Variants in KIF6 observed in about 807,000 individuals in gnomAD.
KIF6 encodes the protein kinesin-like protein KIF6.
Under a neutral mutation model 112.7 loss-of-function variants are expected in KIF6, and 106 were observed. That is an observed-to-expected ratio of 0.94 (90% confidence interval 0.80 to 1.11). The LOEUF (loss-of-function observed/expected upper bound fraction) is 1.11, where lower values mean the gene tolerates loss of function less well. KIF6 is among the 50% of genes least tolerant of loss of function. The pLI is 0.00. For synonymous variants in KIF6, 339 were observed against 339.9 expected (o/e 1.00, Z 0.03); for missense variants, 929 against 964.0 (o/e 0.96, Z 0.48).
At chr6:39,517,058 C>T (rs1186415432) in intron 13 of KIF6, among the ~76,000 whole-genome samples, 2 of 152,136 alleles carry the variant, frequency 1.3e-5, no homozygotes, top group Non-Finnish European at 2.9e-5. Flanking sequence ...GCTCTCCAGG[C>T]CTCTAGGAAA....
chr6:39,505,452 A>C (rs763539879), intron 13 of KIF6, among the ~76,000 whole-genome samples: 10 of 152,254 alleles, frequency 6.6e-5, no homozygotes, highest in Non-Finnish European at 1.0e-4. Flanking sequence ...TAAAGATTTC[A>C]TGATGAACAC....
chr6:39,511,340 A>G (rs1308353041), intron 13 of KIF6, among the ~76,000 whole-genome samples: 1 of 152,238 alleles, frequency 6.6e-6, no homozygotes, highest in African/African-American at 2.4e-5. Flanking sequence ...CATATGTAAA[A>G]ATGCTCGTCA....
At position 39,337,195 on chromosome 6, in the gene KIF6, CT is replaced by C. The variant is rs1206669220; in HGVS notation, c.2429-648del. Among the ~76,000 whole-genome samples, 13 of 91,130 alleles carry C rather than the reference CT, an allele frequency of 1.4e-4. 2 individuals are homozygous for C. Among genetic ancestry groups the C allele is most frequent in the African/African-American group, 7.9e-4 (10 of 12,610 alleles). 59.8% of individuals were successfully genotyped at this position (91,130 alleles called of 152,430 possible). ...TCCTTCTTTCTTTCTTTCTTTCTTTCTTTCTTTCTTTCTTTCTTTCTTTCTT... is the reference window on the plus strand; with the variant it reads ...TCCTTCTTTCTTTCTTTCTTTCTTTCTTCTTTCTTTCTTTCTTTCTTTCTT... On this transcript the variant is annotated intron_variant, in intron 22 of 22. Transcript: ENST00000287152.
In KIF6 at chr6:39,357,663, G is replaced by A. The variant is rs112803706; in HGVS notation, c.2083-289C>T. ...GGTGTTTTGCCATGTTGGCCAGGCTGGTCTCGAACTCCTGACCTCAGTTGA... is the reference window on the plus strand; with the variant it reads ...GGTGTTTTGCCATGTTGGCCAGGCTAGTCTCGAACTCCTGACCTCAGTTGA... On this transcript the variant is annotated intron_variant, in intron 18 of 22. Coordinates refer to ENST00000287152, the MANE Select transcript of KIF6 (RefSeq NM_145027.6). 3.6e-3 allele frequency among the ~76,000 whole-genome samples: 544 copies of A among 152,156 alleles called. 4 individuals carry two copies. Among genetic ancestry groups the A allele is most frequent in the African/African-American group, 0.013 (529 of 41,534 alleles).
chr6:39,512,972 G>A (rs112083886), intron 13 of KIF6, among the ~76,000 whole-genome samples: 237 of 152,260 alleles, frequency 1.6e-3, no homozygotes, highest in African/African-American at 5.4e-3. Flanking sequence ...AACCCAAAGA[G>A]GAAAGTACCA....
intron 13 of KIF6, among the ~76,000 whole-genome samples, chr6:39,497,886 G>T (rs1775883220): frequency 6.6e-6 from 1 of 152,086 alleles, no homozygotes; most frequent in South Asian, 2.1e-4. Context: ...TTGGTAACTA[G>T]AGAGCCAACT....
chr6:39,519,489 C>T (rs1303403810), intron 13 of KIF6, among the ~76,000 whole-genome samples: 1 of 152,140 alleles, frequency 6.6e-6, no homozygotes, highest in Non-Finnish European at 1.5e-5. Context: ...CGGTGTTTTA[C>T]AGAGCATAAG....
At chr6:39,590,419 ATG>A (rs56859720) in intron 7 of KIF6, among the ~76,000 whole-genome samples, 56,012 of 92,632 alleles carry the variant, frequency 0.6, 18,380 homozygotes, top group East Asian at 0.85. Flanking sequence ...ATGTGTGTGT[ATG>A]TGTGTGTGTA....
At chr6:39,620,832 G>C (rs1480210490) in intron 5 of KIF6, among the ~76,000 whole-genome samples, 2 of 152,034 alleles carry the variant, frequency 1.3e-5, no homozygotes, top group African/African-American at 4.8e-5. Flanking sequence ...GCAGTGGCAC[G>C]ATCTTGGCTC....
chr6:39,411,048 TTC>T (rs67348144), intron 15 of KIF6, among the ~76,000 whole-genome samples: 111,806 of 151,998 alleles, frequency 0.74, 42,481 homozygotes, highest in South Asian at 0.89. Flanking sequence ...TCCAGTCAAA[TTC>T]TCTTTCTCAT....
intron 13 of KIF6, among the ~76,000 whole-genome samples, chr6:39,479,632 A>C (rs1304656761): frequency 6.6e-6 from 1 of 152,118 alleles, no homozygotes. Context: ...AGTTCTGTAA[A>C]GAATGATGGT....
At chr6:39,354,479 G>T (rs745429073) in intron 19 of KIF6, among the ~76,000 whole-genome samples, 2 of 152,182 alleles carry the variant, frequency 1.3e-5, no homozygotes, top group Non-Finnish European at 2.9e-5. Flanking sequence ...CAAGATTAAA[G>T]ATCTAAATGT....
intron 4 of KIF6, among the ~76,000 whole-genome samples, chr6:39,638,523 T>A (rs183027777): frequency 2.0e-5 from 3 of 152,250 alleles, no homozygotes; most frequent in Admixed American, 6.6e-5. Context: ...TCCTTTCTCA[T>A]CCAAATTTTC....
intron 13 of KIF6, among the ~76,000 whole-genome samples, chr6:39,535,937 A>G (rs1274424852): frequency 6.6e-6 from 1 of 152,198 alleles, no homozygotes; most frequent in Non-Finnish European, 1.5e-5. Flanking sequence ...CTACATGGAA[A>G]CTGAACAATC....
chr6:39,676,953 T>A (rs1279896081), intron 3 of KIF6, among the ~76,000 whole-genome samples: 3 of 152,156 alleles, frequency 2.0e-5, no homozygotes, highest in African/African-American at 7.2e-5. Context: ...AAATCATCCA[T>A]GTCATTTATA....
intron 10 of KIF6, among the ~76,000 whole-genome samples, chr6:39,568,752 T>C (rs1189624083): frequency 2.0e-5 from 3 of 152,068 alleles, no homozygotes; most frequent in African/African-American, 7.2e-5. Context: ...GGTTTCACCA[T>C]GTTGGCCAGG....
rs1160463975 is a variant in KIF6, at chr6:39,343,452, A to G, written c.2428+257T>C. On this transcript the variant is annotated intron_variant, in intron 22 of 22. Coordinates refer to ENST00000287152, the MANE Select transcript of KIF6 (RefSeq NM_145027.6). The surrounding 1 kb of genome is among the most constrained non-coding windows in gnomAD (Gnocchi z 4.1). ...AGCTGAAGATCTGGAAGAGACAGAG[A>G]GCAAGCTCTGCCAAGAGGGACAGGA... The G allele has an allele frequency of 6.9e-7, 1 of 1,445,728 alleles. No homozygotes were observed. The highest frequency in any genetic ancestry group is 9.2e-7 in the Non-Finnish European group (1 of 1,089,534). 89.6% of individuals were successfully genotyped at this position (1,445,728 alleles called of 1,614,324 possible).
chr6:39,587,459 G>A (rs991043763), intron 7 of KIF6, among the ~76,000 whole-genome samples: 1 of 152,098 alleles, frequency 6.6e-6, no homozygotes, highest in African/African-American at 2.4e-5. Flanking sequence ...TATACCACTA[G>A]TCTCATTCTA....
At chr6:39,516,101 A>G (rs528074086) in intron 13 of KIF6, among the ~76,000 whole-genome samples, 16 of 152,298 alleles carry the variant, frequency 1.1e-4, no homozygotes, top group Admixed American at 9.8e-4. Flanking sequence ...TAAGGCAAAT[A>G]TTCCCAAAAT....
Sources: allele counts gnomAD v4.1 joint callset (sites outside exome capture counted in the v4.1 genomes callset), GRCh38; gene constraint gnomAD v4.1.1; non-coding constraint Gnocchi (gnomAD v3.1); transcripts MANE v1.5; gene names NCBI Gene and HGNC (gene_info 2026-07-23, HGNC 2026-07-21).